The following MACROD2 variants were observed in gnomAD, a reference collection of about 807,000 sequenced individuals.
MACROD2 encodes the protein mono-ADP ribosylhydrolase 2.
A neutral mutation model predicts 70.4 loss-of-function variants in MACROD2; 36 were observed. The ratio of observed to expected loss-of-function variants is 0.51; its 90% CI spans 0.39 to 0.68. The LOEUF (loss-of-function observed/expected upper bound fraction) is 0.68, where lower values mean the gene tolerates loss of function less well. Ranked by LOEUF, MACROD2 falls within the 30% of genes least tolerant of loss-of-function variation. MACROD2 has a pLI of 0.00. For missense variants in MACROD2, 496 were observed against 538.4 expected (o/e 0.92, Z 0.78); for synonymous variants, 172 against 178.8 (o/e 0.96, Z 0.30).
At chr20:15,636,076 G>GAAAAAAAAAA (rs57402806) in intron 8 of MACROD2, among the ~76,000 whole-genome samples, 35,927 of 83,844 alleles carry the variant, frequency 0.43, 9,341 homozygotes, top group Non-Finnish European at 0.56. Context: ...CCTCTCAAAA[G>GAAAAAAAAAA]AAAAAAAAAA....
intron 3 of MACROD2, chr20:14,325,810 C>A: frequency 6.2e-7 from 1 of 1,613,890 alleles, no homozygotes; most frequent in Non-Finnish European, 8.5e-7. Context: ...CCTCCCTTTG[C>A]TATATGCACA....
intron 6 of MACROD2, among the ~76,000 whole-genome samples, chr20:15,287,866 A>G (rs368293538): frequency 1.3e-5 from 2 of 152,226 alleles, no homozygotes; most frequent in South Asian, 4.1e-4. Flanking sequence ...TTACACTACT[A>G]ATCTTCCATC....
intron 2 of MACROD2, chr20:14,051,942 A>G (rs527933904): frequency 1.2e-5 from 6 of 517,352 alleles, no homozygotes; most frequent in Non-Finnish European, 2.3e-5. Context: ...TCATGGTTGA[A>G]GAAGTGGTGG....
chr20:14,081,819 TTAAG>T (rs2053998573), intron 2 of MACROD2, among the ~76,000 whole-genome samples: 1 of 152,224 alleles, frequency 6.6e-6, no homozygotes, highest in Non-Finnish European at 1.5e-5. Flanking sequence ...GCTGTAGCCT[TTAAG>T]TATGTACATA....
rs117340810 is a variant in MACROD2 at position 15,012,529 on chromosome 20, T to C, written c.419-217411T>C. Among the ~76,000 whole-genome samples, 694 of 152,298 alleles carry C rather than the reference T, an allele frequency of 4.6e-3. 5 individuals are homozygous for C. Among genetic ancestry groups the C allele is most frequent in the Non-Finnish European group, 6.1e-3 (418 of 68,024 alleles). ...TGTAACAAGAGCCCGGTAGTTCTTATAGCATTCGGAGCCAATGGGAAGGAG... is the reference window on the plus strand; with the variant it reads ...TGTAACAAGAGCCCGGTAGTTCTTACAGCATTCGGAGCCAATGGGAAGGAG... On this transcript the variant is annotated intron_variant, in intron 5 of 17. Coordinates refer to ENST00000684519, the MANE Select transcript of MACROD2 (RefSeq NM_001351661.2).
At chr20:15,812,443 T>C (rs146450280) in intron 8 of MACROD2, among the ~76,000 whole-genome samples, 1 of 152,192 alleles carries the variant, frequency 6.6e-6, no homozygotes, top group Non-Finnish European at 1.5e-5. Flanking sequence ...CTTTTGACTA[T>C]GGAAGAATAC....
chr20:15,420,484 T>C (rs2046212809), intron 6 of MACROD2, among the ~76,000 whole-genome samples: 1 of 152,188 alleles, frequency 6.6e-6, no homozygotes, highest in Non-Finnish European at 1.5e-5. Context: ...CAAAGAACCT[T>C]GGCCTTTGGG....
intron 5 of MACROD2, among the ~76,000 whole-genome samples, chr20:15,132,992 G>A (rs2076117998): frequency 6.6e-6 from 1 of 152,056 alleles, no homozygotes; most frequent in Non-Finnish European, 1.5e-5. Context: ...CTGGCTAATT[G>A]TTGCAGAAAA....
intron 4 of MACROD2, among the ~76,000 whole-genome samples, chr20:14,682,863 G>T (rs2070950812): frequency 6.6e-6 from 1 of 152,086 alleles, no homozygotes; most frequent in African/African-American, 2.4e-5. Flanking sequence ...CTTTGTAAGA[G>T]AAAAAACTTT....
chr20:15,016,580 A>T (rs1280798573), intron 5 of MACROD2, among the ~76,000 whole-genome samples: 1 of 152,092 alleles, frequency 6.6e-6, no homozygotes, highest in Non-Finnish European at 1.5e-5. Context: ...TTGGTTGTTT[A>T]AAAGAGCCTG....
At chr20:14,450,979 A>C (rs921531829) in intron 3 of MACROD2, among the ~76,000 whole-genome samples, 14 of 152,108 alleles carry the variant, frequency 9.2e-5, no homozygotes, top group Non-Finnish European at 1.8e-4. Context: ...GAAAGGGGTC[A>C]ATATGGACTC....
chr20:14,855,873 A>C (rs968587667), intron 5 of MACROD2, among the ~76,000 whole-genome samples: 1 of 152,080 alleles, frequency 6.6e-6, no homozygotes, highest in Non-Finnish European at 1.5e-5. Flanking sequence ...ATCTCAACAG[A>C]TAGTATATAG....
intron 2 of MACROD2, among the ~76,000 whole-genome samples, chr20:14,006,699 A>G (rs1285645004): frequency 2.0e-5 from 3 of 152,116 alleles, no homozygotes; most frequent in East Asian, 1.9e-4. Flanking sequence ...CTTTTAATCT[A>G]TAGTTACCTT....
rs1014296518 is a variant in MACROD2 at position 14,249,360 on chromosome 20, A to C, written c.271+163632A>C. Among the ~76,000 whole-genome samples the C allele has an allele frequency of 2.6e-5, 4 of 152,062 alleles. No individual in the cohort carries two copies. In the South Asian group the frequency reaches 8.3e-4, roughly 32 times the overall value. ...AAGTGATCCGATGAGGTGGAGAGGC[A>C]AGAATAGTAGCATGAATCTCAGTTG... On this transcript the variant is annotated intron_variant, in intron 3 of 17. Transcript: ENST00000684519.
chr20:14,220,564 C>T (rs2081663152), intron 3 of MACROD2, among the ~76,000 whole-genome samples: 1 of 152,166 alleles, frequency 6.6e-6, no homozygotes, highest in African/African-American at 2.4e-5. Flanking sequence ...TCATCTCGTT[C>T]AAATGGTTAC....
intron 5 of MACROD2, among the ~76,000 whole-genome samples, chr20:15,154,609 C>T (rs1331361606): frequency 2.0e-5 from 3 of 152,190 alleles, no homozygotes; most frequent in Non-Finnish European, 2.9e-5. Context: ...GTTCTAGTGA[C>T]CCCCTCTTCC....
intron 5 of MACROD2, among the ~76,000 whole-genome samples, chr20:15,070,442 T>A (rs919057651): frequency 1.3e-5 from 2 of 152,206 alleles, no homozygotes; most frequent in South Asian, 2.1e-4. Flanking sequence ...AGGGGTAGAA[T>A]GATATGGCCT....
chr20:14,434,204 T>C (rs1192552594), intron 3 of MACROD2, among the ~76,000 whole-genome samples: 1 of 152,204 alleles, frequency 6.6e-6, no homozygotes, highest in Non-Finnish European at 1.5e-5. Context: ...CTGTATCTAT[T>C]TGACGTTACT....
At chr20:14,970,632 T>G (rs2074682068) in intron 5 of MACROD2, among the ~76,000 whole-genome samples, 1 of 151,620 alleles carries the variant, frequency 6.6e-6, no homozygotes, top group South Asian at 2.1e-4. Flanking sequence ...TGATTAAATT[T>G]TTTAAAAAAT....
Sources: gnomAD v4.1 joint callset for allele counts (sites outside exome capture counted in the v4.1 genomes callset) on GRCh38, gnomAD v4.1.1 for gene constraint, MANE v1.5 for transcripts, NCBI Gene and HGNC (gene_info 2026-07-23, HGNC 2026-07-21) for gene names.